The following TSPAN14 variants were observed in gnomAD, a reference collection of about 807,000 sequenced individuals.
TSPAN14 encodes tetraspanin-14.
A neutral mutation model predicts 36.6 loss-of-function variants in TSPAN14; 16 were observed. That is an observed-to-expected ratio of 0.44 (90% CI 0.30 to 0.66). TSPAN14 has a LOEUF of 0.66. Ranked by LOEUF, TSPAN14 falls within the 30% of genes least tolerant of loss-of-function variation. TSPAN14 has a pLI of 0.12. For missense variants in TSPAN14, 231 were observed against 355.1 expected, an observed-to-expected ratio of 0.65 and a Z score of 2.81; for synonymous variants, 139 against 143.8, an observed-to-expected ratio of 0.97 and a Z score of 0.24.
At chr10:80,479,608 T>A (rs1242830905) in intron 1 of TSPAN14, among the ~76,000 whole-genome samples, 1 of 152,186 alleles carries the variant, frequency 6.6e-6, no homozygotes, top group African/African-American at 2.4e-5. Context: ...GTTGTAGATA[T>A]GTGGCGTTAT....
intron 5 of TSPAN14, among the ~76,000 whole-genome samples, chr10:80,510,602 C>T (rs1461419213): frequency 8.5e-5 from 13 of 152,220 alleles, no homozygotes; most frequent in African/African-American, 1.2e-4. Flanking sequence ...TGGCCGGGCG[C>T]GGTGACTCAC....
intron 1 of TSPAN14, among the ~76,000 whole-genome samples, chr10:80,458,659 T>C (rs1415075521): frequency 6.6e-6 from 1 of 152,208 alleles, no homozygotes; most frequent in Non-Finnish European, 1.5e-5. Context: ...TCTAGGTGAA[T>C]GCCAGCGTTT....
At chr10:80,484,773 A>G (rs534497736) in intron 1 of TSPAN14, among the ~76,000 whole-genome samples, 22 of 152,150 alleles carry the variant, frequency 1.4e-4, no homozygotes, top group Middle Eastern at 3.4e-3. Flanking sequence ...CAGGCTTGGT[A>G]GTCTTGTGCT....
At chr10:80,491,503 C>A (rs1458378769) in intron 2 of TSPAN14, among the ~76,000 whole-genome samples, 1 of 152,204 alleles carries the variant, frequency 6.6e-6, no homozygotes, top group African/African-American at 2.4e-5. Flanking sequence ...ACCTCCAACT[C>A]TCATCTTGAT....
At chr10:80,457,308 C>T (rs1386689371) in intron 1 of TSPAN14, among the ~76,000 whole-genome samples, 1 of 151,924 alleles carries the variant, frequency 6.6e-6, no homozygotes, top group African/African-American at 2.4e-5. Context: ...CCTGCCTCAG[C>T]CTCCCAAGTA....
In TSPAN14 at chr10:80,455,574, A is replaced by G. The variant is rs927591545; in HGVS notation, c.-18+1203A>G. The stretch of plus-strand genomic sequence containing the variant: ...GTCCAGAAGCAGTTAGTGCCTGCTG[A>G]GTGCTCCGGCCACCCTTCTCTATTT... On this transcript the variant is annotated intron_variant, in intron 1 of 8. Transcript: ENST00000429989. 2.0e-5 allele frequency among the ~76,000 whole-genome samples: 3 copies of G among 151,990 alleles called. No homozygotes were observed. In the South Asian group the frequency reaches 6.2e-4, roughly 31 times the overall value.
At position 80,485,698 on chromosome 10, in the gene TSPAN14, T is replaced by G. The variant is rs943346373; in HGVS notation, c.-17-3519T>G. 3.0e-6 allele frequency: 3 copies of G among 985,212 alleles called. No individual in the cohort carries two copies. In the African/African-American group the frequency reaches 5.2e-5, roughly 17 times the overall value. The allele number at this position is 985,212 out of a possible 1,614,324, so 61.0% of individuals were successfully genotyped here. A position where few individuals can be genotyped will look rare whatever the true frequency, so the allele number is the denominator to read the frequency against. On this transcript the variant is annotated intron_variant, in intron 1 of 8. Coordinates refer to ENST00000429989, the Ensembl canonical transcript of TSPAN14. The stretch of plus-strand genomic sequence containing the variant: ...GCCAACACAGCAGAGAGGGACAGAT[T>G]GAGAGGTGCCTTCCCTCCCTGTCCC...
chr10:80,494,623 G>A (rs1181842759), intron 2 of TSPAN14, among the ~76,000 whole-genome samples: 1 of 151,982 alleles, frequency 6.6e-6, no homozygotes, highest in Non-Finnish European at 1.5e-5. Flanking sequence ...GCTGTTCCTG[G>A]GCTCTTCTGA....
At chr10:80,493,591 A>T (rs1848037787) in intron 2 of TSPAN14, among the ~76,000 whole-genome samples, 1 of 152,264 alleles carries the variant, frequency 6.6e-6, no homozygotes. Flanking sequence ...GTTCTGTCAC[A>T]TGCTACAGCA....
At chr10:80,485,146 A>G (rs1349594376) in intron 1 of TSPAN14, among the ~76,000 whole-genome samples, 1 of 152,162 alleles carries the variant, frequency 6.6e-6, no homozygotes, top group Non-Finnish European at 1.5e-5. Context: ...GGTACCTAAC[A>G]TTTGTGAAAA....
chr10:80,493,918 C>T (rs936525422), intron 2 of TSPAN14, among the ~76,000 whole-genome samples: 5 of 152,128 alleles, frequency 3.3e-5, no homozygotes, highest in African/African-American at 9.7e-5. Context: ...CTAAGTTTGC[C>T]GAGTGAATCC....
chr10:80,518,057 A>C, exon 9 of TSPAN14: 2 of 1,426,292 alleles, frequency 1.4e-6, no homozygotes, highest in Non-Finnish European at 1.9e-6. Flanking sequence ...GTCCAGAGGG[A>C]GAGGAGCCGA....
chr10:80,466,955 A>G (rs1278921403), intron 1 of TSPAN14, among the ~76,000 whole-genome samples: 1 of 152,168 alleles, frequency 6.6e-6, no homozygotes, highest in African/African-American at 2.4e-5. Flanking sequence ...GTAATTCGTT[A>G]AAGGAGTAAA....
At position 80,463,513 on chromosome 10, in the gene TSPAN14, G is replaced by T. The variant is rs1211892812; in HGVS notation, c.-18+9142G>T. 2.0e-5 allele frequency among the ~76,000 whole-genome samples: 3 copies of T among 152,294 alleles called. No homozygotes were observed. In the East Asian group the frequency reaches 5.8e-4, roughly 29 times the overall value. On this transcript the variant is annotated intron_variant, in intron 1 of 8. Coordinates refer to ENST00000429989, the Ensembl canonical transcript of TSPAN14. Reference sequence around the variant, plus strand: ...CTAATTATGCTGTTTTGCACTTCCTGATTTTTACTCTGAGAATTTATCCCA... The same window carrying T: ...CTAATTATGCTGTTTTGCACTTCCTTATTTTTACTCTGAGAATTTATCCCA...
intron 4 of TSPAN14, among the ~76,000 whole-genome samples, chr10:80,508,176 C>T (rs1396766141): frequency 6.0e-5 from 9 of 149,148 alleles, no homozygotes; most frequent in South Asian, 2.1e-4. Context: ...AGTGCAGTGG[C>T]GTGATCTCGG....
At chr10:80,494,091 G>A (rs140081837) in intron 2 of TSPAN14, among the ~76,000 whole-genome samples, 2 of 152,280 alleles carry the variant, frequency 1.3e-5, no homozygotes, top group East Asian at 3.9e-4. Flanking sequence ...TAGACTGTAG[G>A]CCTGTGTTAC....
At chr10:80,458,266 G>A (rs1351219268) in intron 1 of TSPAN14, among the ~76,000 whole-genome samples, 2 of 152,174 alleles carry the variant, frequency 1.3e-5, no homozygotes, top group African/African-American at 2.4e-5. Flanking sequence ...CTCCCACTGG[G>A]GATGGGATTG....
At chr10:80,507,631 C>G (rs954183216) in intron 4 of TSPAN14, among the ~76,000 whole-genome samples, 1 of 152,214 alleles carries the variant, frequency 6.6e-6, no homozygotes, top group Non-Finnish European at 1.5e-5. Flanking sequence ...CTCTACTCCC[C>G]GCTCCTTTGC....
chr10:80,499,874 C>T (rs907727599), intron 2 of TSPAN14, among the ~76,000 whole-genome samples: 38 of 151,850 alleles, frequency 2.5e-4, no homozygotes, highest in Non-Finnish European at 1.8e-4. Context: ...AGCTGGGCCC[C>T]GTTCTTCAGT....
Sources: gnomAD v4.1 joint callset for allele counts (sites outside exome capture counted in the v4.1 genomes callset) on GRCh38, gnomAD v4.1.1 for gene constraint, MANE v1.5 for transcripts, NCBI Gene and HGNC (gene_info 2026-07-23, HGNC 2026-07-21) for gene names.